Variants in CD200R1 observed in about 807,000 individuals in gnomAD.
CD200R1 encodes CD200 receptor 1, also known as cell surface glycoprotein CD200 receptor 1.
A neutral mutation model predicts 38.1 loss-of-function variants in CD200R1; 30 were observed. That is an observed-to-expected ratio of 0.79 (90% confidence interval 0.59 to 1.07). The LOEUF is 1.07. Ranked by LOEUF, CD200R1 falls within the 50% of genes least tolerant of loss-of-function variation. CD200R1 has a pLI of 0.00. For synonymous variants in CD200R1, 128 were observed against 152.1 expected (o/e 0.84, Z 1.16); for missense variants, 372 against 415.4 (o/e 0.90, Z 0.91).
chr3:112,922,469 C>T lies in CD200R1; in HGVS notation c.*1208G>A, dbSNP rs556915482. 62 of 151,940 alleles carry T rather than the reference C, an allele frequency of 4.1e-4. No individual in the cohort carries two copies. Among genetic ancestry groups the T allele is most frequent in the Admixed American group, 3.9e-3 (60 of 15,226 alleles). The allele number at this position is 151,940 out of a possible 1,614,324, so 9.4% of individuals were successfully genotyped here. ...AGTTTGTAAATAAATACCCCATGTC[C>T]TCTATGGTGCATTTTTCGCCACTTA... On this transcript the variant is annotated 3_prime_UTR_variant, in exon 8 of 8. Coordinates refer to ENST00000308611, the MANE Select transcript of CD200R1 (RefSeq NM_138806.4).
At chr3:112,938,587 A>T (rs1416597884) in intron 2 of CD200R1, among the ~76,000 whole-genome samples, 1 of 152,086 alleles carries the variant, frequency 6.6e-6, no homozygotes, top group Non-Finnish European at 1.5e-5. Context: ...TCCAATAATG[A>T]GTAATGAGAT....
intron 2 of CD200R1, among the ~76,000 whole-genome samples, chr3:112,935,828 G>A (rs1301803963): frequency 6.6e-6 from 1 of 152,106 alleles, no homozygotes; most frequent in East Asian, 1.9e-4. Context: ...GGGTATATAG[G>A]TAGGATGTGC....
intron 1 of CD200R1, among the ~76,000 whole-genome samples, chr3:112,962,475 A>G (rs545929917): frequency 2.6e-5 from 4 of 152,212 alleles, no homozygotes; most frequent in Non-Finnish European, 5.9e-5. Context: ...GTAGGGGGCT[A>G]ATTAAATGTT....
intron 1 of CD200R1, among the ~76,000 whole-genome samples, chr3:112,950,373 C>T (rs1269497667): frequency 6.6e-6 from 1 of 150,766 alleles, no homozygotes; most frequent in Non-Finnish European, 1.5e-5. Flanking sequence ...TGCACTCCAG[C>T]CTGGGTGACA....
At chr3:112,924,561 G>A (rs779570568) in intron 6 of CD200R1, 26 bp from the exon 7 acceptor site, 12 of 1,130,900 alleles carry the variant, frequency 1.1e-5, no homozygotes, top group Middle Eastern at 5.3e-4. Context: ...AAATTGAAGT[G>A]AATGGAGGAA....
intron 1 of CD200R1, among the ~76,000 whole-genome samples, chr3:112,968,088 T>A (rs887086755): frequency 1.8e-4 from 27 of 152,230 alleles, no homozygotes; most frequent in African/African-American, 6.5e-4. Flanking sequence ...TAGAATTACA[T>A]AACTGATCTT....
At chr3:112,937,964 C>T (rs115334060) in intron 2 of CD200R1, among the ~76,000 whole-genome samples, 5,222 of 151,894 alleles carry the variant, frequency 0.034, 205 homozygotes, top group Admixed American at 0.12. Flanking sequence ...TGTGAATGGG[C>T]GTTCATTTAT....
At chr3:112,934,721 TCAGGAGGCTGAGG>T (rs1940536068) in intron 2 of CD200R1, among the ~76,000 whole-genome samples, 1 of 152,022 alleles carries the variant, frequency 6.6e-6, no homozygotes, top group African/African-American at 2.4e-5. Context: ...TCCCAGCTAC[TCAGGAGGCTGAGG>T]CAGGAGAATT....
intron 2 of CD200R1, among the ~76,000 whole-genome samples, chr3:112,944,757 A>G (rs749302820): frequency 2.0e-5 from 3 of 152,128 alleles, no homozygotes; most frequent in Non-Finnish European, 4.4e-5. Flanking sequence ...GAATTGACCA[A>G]AAAAACTCCT....
At chr3:112,938,482 C>T (rs978042043) in intron 2 of CD200R1, among the ~76,000 whole-genome samples, 2 of 152,116 alleles carry the variant, frequency 1.3e-5, no homozygotes, top group South Asian at 2.1e-4. Context: ...TGAACAACTA[C>T]ACATGAATAA....
intron 2 of CD200R1, among the ~76,000 whole-genome samples, chr3:112,936,565 C>CT (rs1268202803): frequency 2.0e-5 from 3 of 152,058 alleles, no homozygotes; most frequent in African/African-American, 4.8e-5. Flanking sequence ...TGATGTTGAG[C>CT]TTTTTTTCAT....
chr3:112,932,377 C>A (rs1940464145), intron 2 of CD200R1, among the ~76,000 whole-genome samples: 1 of 152,154 alleles, frequency 6.6e-6, no homozygotes, highest in Admixed American at 6.5e-5. Context: ...CTACCCGGGA[C>A]AAACCTGCCA....
In CD200R1 at chr3:112,947,941, A is replaced by AC. The variant is rs1233655233; in HGVS notation, c.68-18dup. ...CCTCCGCTTCTGAATTTTGAAAAAG[A>AC]CATAGGGGGTAGAGAGAGAAATATG... On this transcript the variant is annotated splice_polypyrimidine_tract_variant and intron_variant, in intron 1 of 7. Transcript: ENST00000308611. 1 of 1,551,514 alleles carries AC rather than the reference A, an allele frequency of 6.4e-7. No homozygotes were observed. The highest frequency in any genetic ancestry group is 1.1e-5 in the South Asian group (1 of 89,752).
chr3:112,924,291 A>C (rs1452999861), intron 7 of CD200R1, among the ~76,000 whole-genome samples, 199 bp downstream of exon 7: 1 of 152,036 alleles, frequency 6.6e-6, no homozygotes, highest in Non-Finnish European at 1.5e-5. Flanking sequence ...CATGAAGTGA[A>C]AATGTGGTTC....
Position 112,929,263 on chromosome 3 carries a change from A to G in CD200R1, c.447T>C (p.His149=), listed in dbSNP as rs770659053. 10 of 1,614,174 alleles carry G rather than the reference A, an allele frequency of 6.2e-6. No homozygotes were observed. In the East Asian group the frequency reaches 1.1e-4, roughly 18 times the overall value. ...CCATTATGCATCTGTAATACCCGTC[A>G]TGAGTGATGGCCACGGTACGAATCT... ...DLQIRTVAIT[H]DGYYRCIMVT... is the part of the protein sequence containing the mutation. The change falls in exon 4 of 8, where the codon CAT becomes CAC. Residue 149 remains histidine, a synonymous_variant. Transcript: ENST00000308611.
intron 7 of CD200R1, among the ~76,000 whole-genome samples, chr3:112,924,218 A>G (rs1339495868): frequency 1.3e-5 from 2 of 151,982 alleles, no homozygotes; most frequent in African/African-American, 4.8e-5. Context: ...AGAAACACCA[A>G]TTCATTTCCT....
chr3:112,948,139 C>T (rs1030449152), intron 1 of CD200R1, among the ~76,000 whole-genome samples: 2 of 152,168 alleles, frequency 1.3e-5, no homozygotes, highest in Non-Finnish European at 2.9e-5. Flanking sequence ...CATAGTCCTG[C>T]TTTAAGCCCA....
At chr3:112,925,360 G>GT (rs1940258347) in intron 5 of CD200R1, among the ~76,000 whole-genome samples, 167 bp from the exon 6 acceptor site, 1 of 152,070 alleles carries the variant, frequency 6.6e-6, no homozygotes, top group Admixed American at 6.6e-5. Context: ...GTTACATATT[G>GT]TATGATTCCA....
intron 2 of CD200R1, among the ~76,000 whole-genome samples, chr3:112,936,920 T>G (rs1285329842): frequency 1.3e-5 from 2 of 152,220 alleles, no homozygotes; most frequent in African/African-American, 4.8e-5. Context: ...TTGATTTTCT[T>G]CTAGGGTTTT....
Sources: allele counts gnomAD v4.1 joint callset (sites outside exome capture counted in the v4.1 genomes callset), GRCh38; gene constraint gnomAD v4.1.1; transcripts MANE v1.5; gene names NCBI Gene and HGNC (gene_info 2026-07-23, HGNC 2026-07-21).